Variants in SELENOF observed in about 807,000 individuals in gnomAD.
SELENOF encodes 15 kDa selenoprotein.
Under a neutral mutation model 20.5 loss-of-function variants are expected in SELENOF, and 16 were observed. The observed-to-expected ratio is 0.78, with a 90% CI of 0.53 to 1.19. The LOEUF is 1.19. Ranked by LOEUF, SELENOF falls within the 50% of genes most tolerant of loss-of-function variation. The pLI, the probability that SELENOF is intolerant of heterozygous loss-of-function variation, is 0.00. For synonymous variants in SELENOF, 78 were observed against 74.5 expected (o/e 1.05, Z -0.24); for missense variants, 215 against 194.2 (o/e 1.11, Z -0.64).
At chr1:86,889,573 G>A (rs1156880089) in intron 2 of SELENOF, among the ~76,000 whole-genome samples, 1 of 152,092 alleles carries the variant, frequency 6.6e-6, no homozygotes, top group East Asian at 1.9e-4. Flanking sequence ...CAGTCTGGGC[G>A]ACAGAGCAAG....
intron 2 of SELENOF, among the ~76,000 whole-genome samples, chr1:86,899,670 C>A (rs1185010199): frequency 1.3e-5 from 2 of 150,984 alleles, no homozygotes; most frequent in African/African-American, 4.9e-5. Flanking sequence ...CCGGATGGGG[C>A]GGCTGGCCTG....
chr1:86,910,226 G>C (rs998246014), intron 1 of SELENOF, among the ~76,000 whole-genome samples: 1 of 152,224 alleles, frequency 6.6e-6, no homozygotes, highest in South Asian at 2.1e-4. Flanking sequence ...TACGTCATGA[G>C]TATGAATTCA....
chr1:86,873,170 T>C (rs577168515), intron 3 of SELENOF, among the ~76,000 whole-genome samples: 13 of 151,882 alleles, frequency 8.6e-5, no homozygotes, highest in Non-Finnish European at 1.6e-4. Context: ...GGTAGGAGGA[T>C]TGTTTGAACC....
intron 2 of SELENOF, among the ~76,000 whole-genome samples, chr1:86,889,590 T>A (rs932358540): frequency 2.6e-5 from 4 of 152,112 alleles, no homozygotes; most frequent in Admixed American, 2.6e-4. Flanking sequence ...CAAGACTCCA[T>A]CTCAAAAACA....
chr1:86,907,170 G>T (rs748328862), intron 1 of SELENOF, among the ~76,000 whole-genome samples: 1 of 152,124 alleles, frequency 6.6e-6, no homozygotes, highest in Non-Finnish European at 1.5e-5. Context: ...CATTTATCTC[G>T]TGGAATTCTG....
chr1:86,876,313 T>C (rs1204258961), intron 3 of SELENOF, among the ~76,000 whole-genome samples: 2 of 152,118 alleles, frequency 1.3e-5, no homozygotes, highest in Non-Finnish European at 2.9e-5. Context: ...CATAATGCCA[T>C]TTATAGAAAC....
At chr1:86,901,513 C>T (rs1303511331) in intron 2 of SELENOF, among the ~76,000 whole-genome samples, 2 of 151,120 alleles carry the variant, frequency 1.3e-5, no homozygotes, top group African/African-American at 4.9e-5. Flanking sequence ...GGGCTAGGAG[C>T]AAAGTTAAAA....
At chr1:86,888,704 C>T (rs905632557) in intron 2 of SELENOF, among the ~76,000 whole-genome samples, 19 of 152,368 alleles carry the variant, frequency 1.2e-4, no homozygotes, top group East Asian at 3.9e-4. Flanking sequence ...GCTCCCATTG[C>T]GCAAGCTAGA....
At chr1:86,882,206 G>A (rs1490894881) in intron 2 of SELENOF, among the ~76,000 whole-genome samples, 1 of 129,722 alleles carries the variant, frequency 7.7e-6, no homozygotes, top group Non-Finnish European at 1.5e-5. Context: ...CCGAGATCAC[G>A]CCACTGCACT....
intron 1 of SELENOF, among the ~76,000 whole-genome samples, chr1:86,911,147 T>C (rs1570411632): frequency 6.6e-6 from 1 of 152,146 alleles, no homozygotes; most frequent in Non-Finnish European, 1.5e-5. Context: ...AGAGAATAAA[T>C]ATTGATCACC....
chr1:86,884,921 A>C (rs1467699220), intron 2 of SELENOF, among the ~76,000 whole-genome samples: 1 of 152,164 alleles, frequency 6.6e-6, no homozygotes, highest in Non-Finnish European at 1.5e-5. Context: ...TGGAGTCTCT[A>C]TTTCCATGTA....
chr1:86,886,097 T>TA (rs1659208388), intron 2 of SELENOF, among the ~76,000 whole-genome samples: 2 of 152,158 alleles, frequency 1.3e-5, no homozygotes, highest in African/African-American at 4.8e-5. Context: ...TCTCAAGCTT[T>TA]CAAATTCAAA....
At position 86,904,275 on chromosome 1, in the gene SELENOF, C is replaced by T. The variant is rs186022996; in HGVS notation, c.85-827G>A. Among the ~76,000 whole-genome samples the T allele has an allele frequency of 4.6e-5, 7 of 152,216 alleles. No individual in the cohort carries two copies. In the East Asian group the frequency reaches 1.2e-3, roughly 25 times the overall value. On this transcript the variant is annotated intron_variant, in intron 1 of 4. Transcript: ENST00000331835. ...TAATAGTGCCACCAGTTACAAGATT[C>T]GTGACCCTGGGCAAACTATCCTCCC... is the stretch of plus-strand genomic sequence containing the variant.
At chr1:86,899,645 C>T (rs568660522) in intron 2 of SELENOF, among the ~76,000 whole-genome samples, 2 of 151,156 alleles carry the variant, frequency 1.3e-5, no homozygotes, top group East Asian at 2.0e-4. Flanking sequence ...GGGGGCTGAC[C>T]CCCCCATCTC....
intron 1 of SELENOF, among the ~76,000 whole-genome samples, chr1:86,904,609 C>A (rs921321786): frequency 6.6e-6 from 1 of 152,198 alleles, no homozygotes; most frequent in Admixed American, 6.5e-5. Context: ...ATGGTCCTAA[C>A]TGCTCTTCCC....
At chr1:86,888,727 G>C (rs533319888) in intron 2 of SELENOF, among the ~76,000 whole-genome samples, 4 of 152,210 alleles carry the variant, frequency 2.6e-5, no homozygotes, top group Non-Finnish European at 5.9e-5. Flanking sequence ...GCAGTGGTGC[G>C]ATCTCGGCTC....
intron 3 of SELENOF, among the ~76,000 whole-genome samples, chr1:86,869,491 A>G (rs1225624075): frequency 1.3e-5 from 2 of 152,204 alleles, no homozygotes; most frequent in East Asian, 3.8e-4. Flanking sequence ...TGCAAATGAA[A>G]AAGCTCTAAA....
intron 1 of SELENOF, among the ~76,000 whole-genome samples, chr1:86,904,544 C>G (rs1427479680): frequency 6.6e-6 from 1 of 152,160 alleles, no homozygotes; most frequent in Non-Finnish European, 1.5e-5. Flanking sequence ...TGGATTCTAT[C>G]TTAACAGATA....
chr1:86,911,217 G>C (rs1428719410), intron 1 of SELENOF, among the ~76,000 whole-genome samples: 1 of 152,240 alleles, frequency 6.6e-6, no homozygotes, highest in Non-Finnish European at 1.5e-5. Flanking sequence ...CTTTGTTGGA[G>C]GAAGTGATTT....
Sources: allele counts gnomAD v4.1 joint callset (sites outside exome capture counted in the v4.1 genomes callset), GRCh38; gene constraint gnomAD v4.1.1; transcripts MANE v1.5; gene names NCBI Gene and HGNC (gene_info 2026-07-23, HGNC 2026-07-21).